FAM163A: variants seen among roughly 807,000 people sequenced by gnomAD.
FAM163A encodes family with sequence similarity 163 member A.
Under a neutral mutation model 12.0 loss-of-function variants are expected in FAM163A, and 7 were observed. The observed-to-expected ratio is 0.58, with a 90% CI of 0.33 to 1.10. FAM163A has a LOEUF of 1.10. Among genes scored for constraint, FAM163A ranks in the 50% least tolerant of loss-of-function variants. The pLI, the probability that FAM163A is intolerant of heterozygous loss-of-function variation, is 0.03. For synonymous variants in FAM163A, 101 were observed against 91.0 expected (o/e 1.11, Z -0.62); for missense variants, 202 against 218.6 (o/e 0.92, Z 0.48).
the FAM163A span, among the ~76,000 whole-genome samples, chr1:179,729,100 T>C: frequency 6.6e-6 from 1 of 152,210 alleles, no homozygotes; most frequent in Admixed American, 6.5e-5. Flanking sequence ...TACTGAGGCT[T>C]CTCTTCTTGG....
At chr1:179,744,681 C>A (rs1268398636) in intron 1 of FAM163A, among the ~76,000 whole-genome samples, 2 of 152,164 alleles carry the variant, frequency 1.3e-5, no homozygotes, top group African/African-American at 4.8e-5. Context: ...ATCCAACCTG[C>A]AGGCGGAGGC....
At chr1:179,813,252 TG>T in intron 4 of FAM163A, 62 bp downstream of exon 4, 2 of 1,476,036 alleles carry the variant, frequency 1.4e-6, no homozygotes, top group Non-Finnish European at 1.9e-6. Context: ...TTTTTCATTA[TG>T]GGGGCAGAAA....
chr1:179,747,095 G>T (rs1230398089), intron 1 of FAM163A, among the ~76,000 whole-genome samples: 2 of 151,914 alleles, frequency 1.3e-5, no homozygotes, highest in African/African-American at 2.4e-5. Context: ...ATCAGAAAGG[G>T]CAAAAGATAC....
intron 1 of FAM163A, among the ~76,000 whole-genome samples, chr1:179,764,060 C>T (rs1687166822): frequency 6.6e-6 from 1 of 152,172 alleles, no homozygotes; most frequent in African/African-American, 2.4e-5. Flanking sequence ...ATCATAACAA[C>T]TCTCAGGTGA....
chr1:179,765,959 C>T (rs1028680917), intron 1 of FAM163A, among the ~76,000 whole-genome samples: 11 of 152,156 alleles, frequency 7.2e-5, no homozygotes, highest in Admixed American at 2.0e-4. Flanking sequence ...GGATCTGATA[C>T]TTTCTCAGCC....
At chr1:179,792,543 C>T (rs796381975) in intron 1 of FAM163A, among the ~76,000 whole-genome samples, 5 of 152,190 alleles carry the variant, frequency 3.3e-5, no homozygotes, top group African/African-American at 7.2e-5. Flanking sequence ...TACCTGTTTA[C>T]GTTCACACTT....
At chr1:179,786,288 C>T (rs555608175) in intron 1 of FAM163A, among the ~76,000 whole-genome samples, 2 of 152,312 alleles carry the variant, frequency 1.3e-5, no homozygotes, top group South Asian at 2.1e-4. Flanking sequence ...AGCTCCCTCA[C>T]CCTCAGGATG....
intron 1 of FAM163A, among the ~76,000 whole-genome samples, chr1:179,745,813 C>G (rs1684387168): frequency 6.6e-6 from 1 of 152,208 alleles, no homozygotes; most frequent in African/African-American, 2.4e-5. Context: ...CAGAGCAGAG[C>G]TTGAAGCCCA....
the FAM163A span, among the ~76,000 whole-genome samples, chr1:179,733,673 C>T: frequency 6.6e-6 from 1 of 152,150 alleles, no homozygotes; most frequent in Non-Finnish European, 1.5e-5. Flanking sequence ...TCTCTGTGCT[C>T]CTGTATCCAC....
At chr1:179,780,603 C>T (rs1196895766) in intron 1 of FAM163A, among the ~76,000 whole-genome samples, 1 of 152,214 alleles carries the variant, frequency 6.6e-6, no homozygotes, top group East Asian at 1.9e-4. Context: ...TCAAGACTCA[C>T]CCCAGACCTG....
rs1267153380 is a variant in FAM163A at position 179,814,232 on chromosome 1, T to G, written c.*43T>G. The G allele has an allele frequency of 2.1e-5, 33 of 1,548,932 alleles. No individual in the cohort carries two copies. Among genetic ancestry groups the G allele is most frequent in the Non-Finnish European group, 2.8e-5 (32 of 1,146,452 alleles). On this transcript the variant is annotated 3_prime_UTR_variant, in exon 5 of 5. Coordinates refer to ENST00000341785, the MANE Select transcript of FAM163A (RefSeq NM_173509.3). The stretch of plus-strand genomic sequence containing the variant: ...CGCACACACACCCACACTGCTGCCC[T>G]GGCGGGGGCCATGGGGGTGATGAAT...
upstream of FAM163A, among the ~76,000 whole-genome samples, chr1:179,742,996 T>C (rs1489997666): frequency 1.3e-5 from 2 of 152,218 alleles, no homozygotes; most frequent in African/African-American, 4.8e-5. Context: ...CTCTCCGAAT[T>C]TTCCGTCCTG....
chr1:179,744,517 G>C (rs948058194), intron 1 of FAM163A, among the ~76,000 whole-genome samples: 1 of 152,162 alleles, frequency 6.6e-6, no homozygotes. Context: ...AGGGAAGTCA[G>C]GGGTGCAGAT....
At chr1:179,812,562 G>A (rs369933508) in intron 3 of FAM163A, among the ~76,000 whole-genome samples, 5 of 152,366 alleles carry the variant, frequency 3.3e-5, no homozygotes, top group East Asian at 3.9e-4. Context: ...CCAAGAGGGC[G>A]GGGATCAAGA....
At chr1:179,749,042 A>G (rs1454851463) in intron 1 of FAM163A, among the ~76,000 whole-genome samples, 1 of 152,252 alleles carries the variant, frequency 6.6e-6, no homozygotes, top group Non-Finnish European at 1.5e-5. Flanking sequence ...TTGTATTTAA[A>G]TATCCAGCTA....
chr1:179,791,411 G>C (rs1691481901), intron 1 of FAM163A, among the ~76,000 whole-genome samples: 1 of 152,140 alleles, frequency 6.6e-6, no homozygotes, highest in African/African-American at 2.4e-5. Flanking sequence ...TCCTTCCAAG[G>C]GTATGCATAC....
chr1:179,809,376 G>T (rs916130043), intron 2 of FAM163A, among the ~76,000 whole-genome samples: 1 of 152,172 alleles, frequency 6.6e-6, no homozygotes, highest in Non-Finnish European at 1.5e-5. Context: ...ACGATTCCTC[G>T]CAATCCTACT....
At chr1:179,777,463 C>T (rs1172896834) in intron 1 of FAM163A, among the ~76,000 whole-genome samples, 1 of 152,146 alleles carries the variant, frequency 6.6e-6, no homozygotes, top group Non-Finnish European at 1.5e-5. Flanking sequence ...TGAGATCAGC[C>T]TTCGTGTGCC....
intron 2 of FAM163A, among the ~76,000 whole-genome samples, chr1:179,810,553 G>A (rs1228307064): frequency 6.6e-6 from 1 of 152,090 alleles, no homozygotes; most frequent in Non-Finnish European, 1.5e-5. Context: ...TCCCCACCTT[G>A]TCTACTGGAT....
Sources: gnomAD v4.1 joint callset for allele counts (sites outside exome capture counted in the v4.1 genomes callset) on GRCh38, gnomAD v4.1.1 for gene constraint, MANE v1.5 for transcripts, NCBI Gene and HGNC (gene_info 2026-07-23, HGNC 2026-07-21) for gene names.